AGPAT4: variants seen among roughly 807,000 people sequenced by gnomAD.
The protein encoded by AGPAT4 is 1-acylglycerol-3-phosphate O-acyltransferase 4.
In AGPAT4, 15 loss-of-function variants were observed where a neutral mutation model predicts 48.0. The ratio of observed to expected loss-of-function variants is 0.31; its 90% confidence interval spans 0.21 to 0.48. The LOEUF is 0.48. Among genes scored for constraint, AGPAT4 ranks in the 20% least tolerant of loss-of-function variants. The probability of loss-of-function intolerance (pLI) is 0.99; values close to 1 mark genes in which losing one functional copy is unlikely to be tolerated. For synonymous variants in AGPAT4, 178 were observed against 198.7 expected (o/e 0.90, Z 0.88); for missense variants, 314 against 482.5 (o/e 0.65, Z 3.27).
In AGPAT4 at chr6:161,208,390, G is replaced by T. The variant is rs941350854; in HGVS notation, c.178+23646C>A. On this transcript the variant is annotated intron_variant, in intron 2 of 8. Transcript: ENST00000320285. This position sits in a 1 kb window ranked among gnomAD's most constrained non-coding sequence, Gnocchi z 4.6. ...TTTGTTCCCACCTTGAAGGCTTCTT[G>T]TTCTTAACAGCTCAATTAAACTCAT... Among the ~76,000 whole-genome samples the T allele has an allele frequency of 2.0e-5, 3 of 151,918 alleles. No homozygotes were observed. Among genetic ancestry groups the T allele is most frequent in the African/African-American group, 7.3e-5 (3 of 41,338 alleles).
Position 161,149,187 on chromosome 6 carries a change from C to T in AGPAT4, c.767G>A (p.Arg256Lys). Residue 256 changes from arginine (R) to lysine (K), a missense_variant and splice_region_variant, in exon 6 of 9, where the codon AGG (arginine) becomes AAG (lysine). By Grantham distance (26) the Arg-to-Lys change is conservative. Coordinates refer to ENST00000320285, the MANE Select transcript of AGPAT4 (RefSeq NM_020133.3). The surrounding 1 kb of genome is among the most constrained non-coding windows in gnomAD (Gnocchi z 6.5). ...CTGGAAAGGAAACAGTTCGACTTAC[C>T]TAACATACAAATCTGCATGGTATTT... ...GKKYHADLYV[R>K]RIPLEDIPED... The T allele has an allele frequency of 6.2e-7, 1 of 1,611,676 alleles. No homozygotes were observed. The highest frequency in any genetic ancestry group is 8.5e-7 in the Non-Finnish European group (1 of 1,179,492).
intron 5 of AGPAT4, among the ~76,000 whole-genome samples, chr6:161,152,223 A>G (rs1194255459): frequency 6.6e-6 from 1 of 152,148 alleles, no homozygotes; most frequent in East Asian, 1.9e-4. Flanking sequence ...AAGAGGGATG[A>G]GGAAGCAAGG....
chr6:161,140,685 G>A lies in AGPAT4; in HGVS notation c.844-1065C>T, dbSNP rs1458161554. Among the ~76,000 whole-genome samples, 1 of 152,232 alleles carries A rather than the reference G, an allele frequency of 6.6e-6. No individual in the cohort carries two copies. Among genetic ancestry groups the A allele is most frequent in the Non-Finnish European group, 1.5e-5 (1 of 68,042 alleles). On this transcript the variant is annotated intron_variant, in intron 7 of 8. Coordinates refer to ENST00000320285, the MANE Select transcript of AGPAT4 (RefSeq NM_020133.3). The surrounding 1 kb of genome is among the most constrained non-coding windows in gnomAD (Gnocchi z 6.5). ...CAGGACCTGGGGGGAACAAGGAGCT[G>A]TGGCACCAGGATGCCCGCTGGCCCG...
At position 161,200,395 on chromosome 6, in the gene AGPAT4, T is replaced by C. The variant is rs1389830916; in HGVS notation, c.178+31641A>G. Among the ~76,000 whole-genome samples the C allele has an allele frequency of 6.6e-6, 1 of 151,970 alleles. No homozygotes were observed. Among genetic ancestry groups the C allele is most frequent in the Non-Finnish European group, 1.5e-5 (1 of 67,992 alleles). ...GAGTGCGCTGTCTGAATTCAGAGAG[T>C]TTTATCTTAAATAACATGCCATTTT... On this transcript the variant is annotated intron_variant, in intron 2 of 8. Transcript: ENST00000320285. The surrounding 1 kb of genome is among the most constrained non-coding windows in gnomAD (Gnocchi z 5.5).
At chr6:161,241,322 A>G (rs555875158) in intron 1 of AGPAT4, among the ~76,000 whole-genome samples, 4 of 152,286 alleles carry the variant, frequency 2.6e-5, no homozygotes, top group South Asian at 2.1e-4. Flanking sequence ...AAGCCTATAC[A>G]AAATTCATGT....
At chr6:161,191,939 C>T (rs1780932713) in intron 2 of AGPAT4, among the ~76,000 whole-genome samples, 1 of 151,984 alleles carries the variant, frequency 6.6e-6, no homozygotes, top group Admixed American at 6.5e-5. Flanking sequence ...ATTCTCAATT[C>T]ACCTTCCTCT....
chr6:161,186,050 T>C (rs1023889182), intron 2 of AGPAT4, among the ~76,000 whole-genome samples: 5 of 152,130 alleles, frequency 3.3e-5, no homozygotes, highest in Non-Finnish European at 5.9e-5. Flanking sequence ...AATCTTCCAT[T>C]TTCTCCTCAC....
chr6:161,161,206 AAAG>A lies in AGPAT4; in HGVS notation c.348+5039_348+5041del, dbSNP rs1158186165. On this transcript the variant is annotated intron_variant, in intron 3 of 8. Coordinates refer to ENST00000320285, the MANE Select transcript of AGPAT4 (RefSeq NM_020133.3). The surrounding 1 kb of genome is among the most constrained non-coding windows in gnomAD (Gnocchi z 4.6). The stretch of plus-strand genomic sequence containing the variant: ...ACACTGCCAGAGGATCCTGGTCAAC[AAAG>A]AAGAAGACCCCGGTGTGTCCAACGT... 3.5e-5 allele frequency: 16 copies of A among 456,702 alleles called. No individual in the cohort carries two copies. The Middle Eastern group carries it at 1.3e-3, about 37-fold the overall frequency. 28.3% of individuals were successfully genotyped at this position (456,702 alleles called of 1,614,324 possible).
rs1385076829 is a variant in AGPAT4 at position 161,221,020 on chromosome 6, G to A, written c.178+11016C>T. Among the ~76,000 whole-genome samples the A allele has an allele frequency of 1.3e-5, 2 of 151,984 alleles. No homozygotes were observed. The highest frequency in any genetic ancestry group is 2.9e-5 in the Non-Finnish European group (2 of 67,990). ...GCTGGTCTTGAACTCCTGACCTCAGGTGATCTACCCGCCTCAGCCTCCCAA... is the reference window on the plus strand; with the variant it reads ...GCTGGTCTTGAACTCCTGACCTCAGATGATCTACCCGCCTCAGCCTCCCAA... On this transcript the variant is annotated intron_variant, in intron 2 of 8. Transcript: ENST00000320285. The surrounding 1 kb of genome is among the most constrained non-coding windows in gnomAD (Gnocchi z 4.5).
rs1157845577 is a variant in AGPAT4, at chr6:161,245,047, G to A, written c.-89-12745C>T. On this transcript the variant is annotated intron_variant, in intron 1 of 8. Coordinates refer to ENST00000320285, the MANE Select transcript of AGPAT4 (RefSeq NM_020133.3). The surrounding 1 kb of genome is among the most constrained non-coding windows in gnomAD (Gnocchi z 5.2). ...TCGCACACATGCCTACTAGCAAGCC[G>A]TGCACCAACTGGCAACTTATTTTGC... 1.3e-5 allele frequency among the ~76,000 whole-genome samples: 2 copies of A among 152,354 alleles called. No homozygotes were observed. Among genetic ancestry groups the A allele is most frequent in the South Asian group, 2.1e-4 (1 of 4,832 alleles).
In AGPAT4 at chr6:161,229,490, C is replaced by G. The variant is rs931639847; in HGVS notation, c.178+2546G>C. ...TTCCTAAACACTCTTTTTACATGGCCTTGGTTACTGTGAAATAATTGACAG... is the reference window on the plus strand; with the variant it reads ...TTCCTAAACACTCTTTTTACATGGCGTTGGTTACTGTGAAATAATTGACAG... On this transcript the variant is annotated intron_variant, in intron 2 of 8. Coordinates refer to ENST00000320285, the MANE Select transcript of AGPAT4 (RefSeq NM_020133.3). This position sits in a 1 kb window ranked among gnomAD's most constrained non-coding sequence, Gnocchi z 6.0. Among the ~76,000 whole-genome samples, 1 of 152,094 alleles carries G rather than the reference C, an allele frequency of 6.6e-6. No individual in the cohort carries two copies. The highest frequency in any genetic ancestry group is 2.4e-5 in the African/African-American group (1 of 41,434).
chr6:161,242,274 A>T lies in AGPAT4; in HGVS notation c.-89-9972T>A, dbSNP rs1249379042. 2.0e-5 allele frequency among the ~76,000 whole-genome samples: 3 copies of T among 152,232 alleles called. No homozygotes were observed. In the East Asian group the frequency reaches 5.8e-4, roughly 29 times the overall value. ...CTGGGCCAGTCTCACGCTTTTAACC[A>T]GTCTCACGCTCTTAATGCTGCCTAT... On this transcript the variant is annotated intron_variant, in intron 1 of 8. Transcript: ENST00000320285. The surrounding 1 kb of genome is among the most constrained non-coding windows in gnomAD (Gnocchi z 5.0).
rs1166809901 is a variant in AGPAT4, at chr6:161,166,156, T to C, written c.348+92A>G. On this transcript the variant is annotated intron_variant, in intron 3 of 8. Transcript: ENST00000320285. The surrounding 1 kb of genome is among the most constrained non-coding windows in gnomAD (Gnocchi z 6.7). The stretch of plus-strand genomic sequence containing the variant: ...CAAGTAGAAACTCTGTTGATTCTTC[T>C]GCAAGTTCTGAATGACCAGGAGCAA... The C allele has an allele frequency of 1.3e-6, 2 of 1,491,700 alleles. No individual in the cohort carries two copies. The allele number at this position is 1,491,700 out of a possible 1,614,324, so 92.4% of individuals were successfully genotyped here.
Position 161,208,127 on chromosome 6 carries a change from C to T in AGPAT4, c.178+23909G>A, listed in dbSNP as rs183120566. Among the ~76,000 whole-genome samples, 48 of 152,158 alleles carry T rather than the reference C, an allele frequency of 3.2e-4. No homozygotes were observed. Among genetic ancestry groups the T allele is most frequent in the Non-Finnish European group, 5.4e-4 (37 of 68,004 alleles). On this transcript the variant is annotated intron_variant, in intron 2 of 8. Transcript: ENST00000320285. This position sits in a 1 kb window ranked among gnomAD's most constrained non-coding sequence, Gnocchi z 4.6. Reference sequence around the variant, plus strand: ...GTTCAAAACAAGGCTAGGCTGAGTTCCAATTCTAATAAGAAAAAAACTGAA... The same window carrying T: ...GTTCAAAACAAGGCTAGGCTGAGTTTCAATTCTAATAAGAAAAAAACTGAA...
At position 161,249,117 on chromosome 6, in the gene AGPAT4, A is replaced by C. The variant is rs542634260; in HGVS notation, c.-89-16815T>G. On this transcript the variant is annotated intron_variant, in intron 1 of 8. Coordinates refer to ENST00000320285, the MANE Select transcript of AGPAT4 (RefSeq NM_020133.3). The surrounding 1 kb of genome is among the most constrained non-coding windows in gnomAD (Gnocchi z 6.2). ...CTGGGATAACTGGCTAGCTATATGC[A>C]GAAGATTGAAACTGGACACCTTCCT... 6.6e-6 allele frequency among the ~76,000 whole-genome samples: 1 copy of C among 152,372 alleles called. No homozygotes were observed. Among genetic ancestry groups the C allele is most frequent in the Admixed American group, 6.5e-5 (1 of 15,306 alleles).
intron 2 of AGPAT4, among the ~76,000 whole-genome samples, chr6:161,228,054 C>T (rs1045198409): frequency 2.6e-5 from 4 of 152,056 alleles, no homozygotes; most frequent in African/African-American, 9.7e-5. Flanking sequence ...ATCAAGACAC[C>T]CTCGCCACCA....
chr6:161,209,427 C>T (rs16892303), intron 2 of AGPAT4, among the ~76,000 whole-genome samples: 12,711 of 152,176 alleles, frequency 0.084, 590 homozygotes, highest in African/African-American at 0.1. Context: ...CTGTAAAATA[C>T]GTTGATTGTT....
rs1783460253 is a variant in AGPAT4, at chr6:161,272,640, T to C, written c.-90+1298A>G. Among the ~76,000 whole-genome samples the C allele has an allele frequency of 6.6e-6, 1 of 152,110 alleles. No individual in the cohort carries two copies. Among genetic ancestry groups the C allele is most frequent in the Admixed American group, 6.5e-5 (1 of 15,274 alleles). On this transcript the variant is annotated intron_variant, in intron 1 of 8. Coordinates refer to ENST00000320285, the MANE Select transcript of AGPAT4 (RefSeq NM_020133.3). This position sits in a 1 kb window ranked among gnomAD's most constrained non-coding sequence, Gnocchi z 4.2. ...CTCCCCATAGAGAATATTCAGAAGA[T>C]GGAATCCTTTTAACGTAGAACTCAA...
rs567852187 is a variant in AGPAT4 at position 161,260,406 on chromosome 6, T to A, written c.-90+13532A>T. ...CTGGCACAGTGGCTCACACCTGTAATCTCAGCACTTTGGGAGGCTGAGGCA... is the reference window on the plus strand; with the variant it reads ...CTGGCACAGTGGCTCACACCTGTAAACTCAGCACTTTGGGAGGCTGAGGCA... On this transcript the variant is annotated intron_variant, in intron 1 of 8. Coordinates refer to ENST00000320285, the MANE Select transcript of AGPAT4 (RefSeq NM_020133.3). Among the ~76,000 whole-genome samples, 165 of 152,230 alleles carry A rather than the reference T, an allele frequency of 1.1e-3. 1 individual carries two copies. Among genetic ancestry groups the A allele is most frequent in the African/African-American group, 3.6e-3 (149 of 41,542 alleles).
Sources: gnomAD v4.1 joint callset for allele counts (sites outside exome capture counted in the v4.1 genomes callset) on GRCh38, gnomAD v4.1.1 for gene constraint, Gnocchi (gnomAD v3.1) non-coding constraint, MANE v1.5 for transcripts, NCBI Gene and HGNC (gene_info 2026-07-23, HGNC 2026-07-21) for gene names.